PPP6R1: variants seen among roughly 807,000 people sequenced by gnomAD.
The protein encoded by PPP6R1 is protein phosphatase 6 regulatory subunit 1.
In PPP6R1, 39 loss-of-function variants were observed where a neutral mutation model predicts 104.6. That is an observed-to-expected ratio of 0.37 (90% CI 0.29 to 0.49). The LOEUF (loss-of-function observed/expected upper bound fraction) is 0.49. Ranked by LOEUF, PPP6R1 falls within the 20% of genes least tolerant of loss-of-function variation. The probability of loss-of-function intolerance (pLI) is 0.98; values close to 1 mark genes in which losing one functional copy is unlikely to be tolerated. For missense variants in PPP6R1, 1,181 were observed against 1,155.8 expected (o/e 1.02, Z -0.32); for synonymous variants, 549 against 479.0 (o/e 1.15, Z -1.91).
chr19:55,241,197 CG>C lies in PPP6R1; in HGVS notation c.1161+41del. On this transcript the variant is annotated intron_variant, in intron 9 of 23. Transcript: ENST00000412770. The surrounding 1 kb of genome is among the most constrained non-coding windows in gnomAD (Gnocchi z 5.4). ...CGAACCCTCAGCCCAGTCCAGTCCC[CG>C]CCCCAGCCCCTGAACCCCCAGCCCG... 1 of 1,500,032 alleles carries C rather than the reference CG, an allele frequency of 6.7e-7. No individual in the cohort carries two copies. Among genetic ancestry groups the C allele is most frequent in the African/African-American group, 1.4e-5 (1 of 72,150 alleles). The allele number at this position is 1,500,032 out of a possible 1,614,324, so 92.9% of individuals were successfully genotyped here.
rs1194748725 is a variant in PPP6R1 at position 55,246,947 on chromosome 19, G to T, written c.157C>A (p.His53Asn). Residue 53 changes from histidine (H) to asparagine (N), a missense_variant, in exon 2 of 24, where the codon CAC (histidine) becomes AAC (asparagine). Transcript: ENST00000412770. ...ACCCAGGCCACCATTGCTTGCAGGTGGGGTGGCTGCAGCAGGAAGTCCAGC... is the reference window on the plus strand; with the variant it reads ...ACCCAGGCCACCATTGCTTGCAGGTTGGGTGGCTGCAGCAGGAAGTCCAGC... The part of the protein sequence containing the change: ...KLLDFLLQPP[H>N]LQAMVAWVTQ... The T allele has an allele frequency of 1.2e-6, 2 of 1,613,808 alleles. No homozygotes were observed. Among genetic ancestry groups the T allele is most frequent in the South Asian group, 1.1e-5 (1 of 91,084 alleles).
chr19:55,239,654 A>G lies in PPP6R1; in HGVS notation c.1593T>C (p.Ser531=), dbSNP rs1168029985. ...LVNTHHLHSS[S]DDEDDRLKEF... ...CCTTGAGCCGGTCGTCCTCATCGTC[A>G]CTGGAGGAGTGTAGGTGGTGGGTGT... is the stretch of plus-strand genomic sequence containing the variant. The change falls in exon 14 of 24, where the codon AGT becomes AGC. Residue 531 remains serine, a synonymous_variant. Transcript: ENST00000412770. 6.2e-7 allele frequency: 1 copy of G among 1,612,028 alleles called. No homozygotes were observed. The highest frequency in any genetic ancestry group is 8.5e-7 in the Non-Finnish European group (1 of 1,179,052).
intron 17 of PPP6R1, among the ~76,000 whole-genome samples, chr19:55,234,358 T>C (rs1019081748): frequency 6.6e-6 from 1 of 152,116 alleles, no homozygotes; most frequent in African/African-American, 2.4e-5. Flanking sequence ...AGAAACAAAC[T>C]CATACATATG....
chr19:55,230,751 C>CCCCCCCCAG, intron 22 of PPP6R1, 23 bp downstream of exon 22: 2 of 1,472,562 alleles, frequency 1.4e-6, no homozygotes, highest in Non-Finnish European at 1.8e-6. Flanking sequence ...CCCACCCCCC[C>CCCCCCCCAG]GCCCTGCTGC....
chr19:55,240,328 G>T, intron 10 of PPP6R1, 28 bp from the exon 11 acceptor site: 1 of 1,570,908 alleles, frequency 6.4e-7, no homozygotes, highest in Non-Finnish European at 8.6e-7. Context: ...AGGATGGCCT[G>T]GAGGGGTGGT....
In PPP6R1 at chr19:55,245,937, C is replaced by T. The variant is rs11879513; in HGVS notation, c.228-259G>A. The stretch of plus-strand genomic sequence containing the variant: ...AGACAAGCTGGTCCTGAAGCTCCTG[C>T]GCTTCCCAATCCCCCAGCAGCTAAC... On this transcript the variant is annotated intron_variant, in intron 2 of 23. Coordinates refer to ENST00000412770, the MANE Select transcript of PPP6R1 (RefSeq NM_014931.4). The surrounding 1 kb of genome is among the most constrained non-coding windows in gnomAD (Gnocchi z 6.4). Among the ~76,000 whole-genome samples, 1,134 of 152,268 alleles carry T rather than the reference C, an allele frequency of 7.4e-3. 21 individuals carry two copies. Among genetic ancestry groups the T allele is most frequent in the African/African-American group, 0.025 (1,053 of 41,544 alleles).
chr19:55,248,711 C>G (rs112037772), intron 1 of PPP6R1, among the ~76,000 whole-genome samples: 1 of 152,210 alleles, frequency 6.6e-6, no homozygotes, highest in African/African-American at 2.4e-5. Flanking sequence ...CAGCCCCAGG[C>G]CCCAGGGAAG....
chr19:55,240,844 C>A, intron 10 of PPP6R1, 101 bp downstream of exon 10: 1 of 1,466,964 alleles, frequency 6.8e-7, no homozygotes, highest in Non-Finnish European at 9.2e-7. Flanking sequence ...CACTACCCAA[C>A]AAACACTTGT....
chr19:55,240,633 TCTCACACACGCTTGCACTGACACATG>T (rs1011101326), intron 10 of PPP6R1, among the ~76,000 whole-genome samples: 2 of 137,328 alleles, frequency 1.5e-5, no homozygotes, highest in Non-Finnish European at 3.3e-5. Flanking sequence ...ACATACATGC[TCTCACACACGCTTGCACTGACACATG>T]CTCACACACG....
chr19:55,239,332 G>C (rs1265752354), intron 15 of PPP6R1, 73 bp downstream of exon 15: 27 of 1,420,756 alleles, frequency 1.9e-5, no homozygotes, highest in Admixed American at 3.7e-5. Context: ...GCGTGCAGGG[G>C]ACAGATACAA....
Position 55,241,386 on chromosome 19 carries a change from C to G in PPP6R1, c.1014G>C (p.Glu338Asp). ...GCATGCCCCATGTCATCTGTAGCGG[C>G]TCCAGCTGCAGACACAGGGAGGCCT... ...HQLLLEPPKL[E>D]PLQMTWGMLA... is the part of the protein sequence containing the mutation. Residue 338 changes from glutamate (E) to aspartate (D), a missense_variant, in exon 9 of 24, where the codon GAG becomes GAC. Around this residue, in one of 2 missense-constraint regions of PPP6R1, gnomAD observed 1,042 missense variants for 955.6 expected, o/e 1.09. Transcript: ENST00000412770. This position sits in a 1 kb window ranked among gnomAD's most constrained non-coding sequence, Gnocchi z 5.4. The G allele has an allele frequency of 6.2e-7, 1 of 1,607,760 alleles. No homozygotes were observed.
chr19:55,253,833 G>A (rs2087572286), intron 1 of PPP6R1, among the ~76,000 whole-genome samples: 1 of 152,154 alleles, frequency 6.6e-6, no homozygotes, highest in Non-Finnish European at 1.5e-5. Flanking sequence ...AGGAGAGTGG[G>A]TTTCACTCGC....
intron 2 of PPP6R1, among the ~76,000 whole-genome samples, chr19:55,246,532 T>C (rs2087510063): frequency 6.7e-6 from 1 of 150,224 alleles, no homozygotes. Flanking sequence ...AAAAAGTAAA[T>C]AAAATAAAAG....
intron 1 of PPP6R1, among the ~76,000 whole-genome samples, chr19:55,249,209 T>C (rs1458954760): frequency 6.6e-6 from 1 of 152,118 alleles, no homozygotes; most frequent in African/African-American, 2.4e-5. Flanking sequence ...CAGCACCCAG[T>C]GACTCACCAC....
intron 17 of PPP6R1, among the ~76,000 whole-genome samples, chr19:55,233,913 AAAG>A (rs1457858889): frequency 2.6e-5 from 4 of 152,204 alleles, no homozygotes; most frequent in Non-Finnish European, 5.9e-5. Context: ...CAATCTTTAA[AAAG>A]AAGAACAAGG....
At chr19:55,240,433 A>G in intron 10 of PPP6R1, 133 bp from the exon 11 acceptor site, 1 of 843,976 alleles carries the variant, frequency 1.2e-6, no homozygotes, top group East Asian at 3.0e-5. Context: ...GGGGATGGGA[A>G]GGAGGGATGC....
chr19:55,246,784 C>G, intron 2 of PPP6R1, 93 bp downstream of exon 2: 1 of 1,201,458 alleles, frequency 8.3e-7, no homozygotes. Context: ...AGTTTACTGA[C>G]ACTGACGCAT....
At chr19:55,230,705 T>A (rs1196309148) in intron 22 of PPP6R1, 21 bp from the exon 23 acceptor site, 14 of 1,551,416 alleles carry the variant, frequency 9.0e-6, no homozygotes, top group Middle Eastern at 2.3e-4. Context: ...AGAGAGGGGA[T>A]GTGCAGAGGT....
Position 55,232,231 on chromosome 19 carries a change from G to C in PPP6R1, c.1989-20C>G. ...CCACTCCTGCCCCAGAAACCACCTC[G>C]TCAGCTAGCTGTGTGGGACAGACCG... On this transcript the variant is annotated intron_variant, in intron 17 of 23. Transcript: ENST00000412770. 1 of 1,529,092 alleles carries C rather than the reference G, an allele frequency of 6.5e-7. No individual in the cohort carries two copies. Among genetic ancestry groups the C allele is most frequent in the Non-Finnish European group, 8.8e-7 (1 of 1,134,462 alleles). 94.7% of individuals were successfully genotyped at this position (1,529,092 alleles called of 1,614,324 possible).
Sources: allele counts gnomAD v4.1 joint callset (sites outside exome capture counted in the v4.1 genomes callset), GRCh38; gene constraint gnomAD v4.1.1; regional missense constraint gnomAD v4.1.1; non-coding constraint Gnocchi (gnomAD v3.1); transcripts MANE v1.5; gene names NCBI Gene and HGNC (gene_info 2026-07-23, HGNC 2026-07-21).